Variants in CTU1 observed in about 807,000 individuals in gnomAD.
CTU1 encodes the protein cytosolic thiouridylase subunit 1.
Under a neutral mutation model 12.9 loss-of-function variants are expected in CTU1, and 15 were observed. That is an observed-to-expected ratio of 1.16 (90% CI 0.78 to 1.79). The LOEUF is 1.79. Ranked by LOEUF, CTU1 falls within the 40% of genes most tolerant of loss-of-function variation. The pLI is 0.00. For synonymous variants in CTU1, 295 were observed against 275.6 expected, an observed-to-expected ratio of 1.07 and a Z score of -0.70; for missense variants, 553 against 550.5, an observed-to-expected ratio of 1.00 and a Z score of -0.05.
At chr19:51,099,184 G>A in intron 2 of CTU1, 45 bp from the exon 3 acceptor site, 2 of 1,518,856 alleles carry the variant, frequency 1.3e-6, no homozygotes, top group South Asian at 2.4e-5. Context: ...CGCGGAGGGC[G>A]CTGCTGGCCA....
intron 2 of CTU1, among the ~76,000 whole-genome samples, chr19:51,100,621 A>G (rs1225176141): frequency 6.6e-6 from 1 of 151,918 alleles, no homozygotes; most frequent in African/African-American, 2.4e-5. Context: ...AGAAAAGAAA[A>G]TGGAGGAAGG....
chr19:51,104,279 C>A lies in CTU1; in HGVS notation c.291G>T (p.Ala97=). Residue 97 remains alanine (A), a synonymous_variant, in exon 2 of 3, where the codon GCG becomes GCT. Transcript: ENST00000421832. The part of the protein sequence containing the change: ...VDEGIGGYRD[A]ALAAVRRQAA... ...CCTGGCGCCGCACGGCCGCCAACGC[C>A]GCGTCCCGGTAGCCACCGATGCCCT... The A allele has an allele frequency of 6.7e-7, 1 of 1,501,768 alleles. No homozygotes were observed. The highest frequency in any genetic ancestry group is 8.8e-7 in the Non-Finnish European group (1 of 1,130,218). The allele number at this position is 1,501,768 out of a possible 1,614,324, so 93.0% of individuals were successfully genotyped here.
intron 2 of CTU1, 102 bp downstream of exon 2, chr19:51,103,960 C>G (rs2091913045): frequency 1.6e-6 from 2 of 1,227,314 alleles, no homozygotes; most frequent in Non-Finnish European, 2.1e-6. Flanking sequence ...TCGCCGCCTT[C>G]TGGAGCATGC....
intron 2 of CTU1, among the ~76,000 whole-genome samples, chr19:51,100,903 TG>T (rs2091905754): frequency 6.6e-6 from 1 of 151,226 alleles, no homozygotes; most frequent in African/African-American, 2.4e-5. Flanking sequence ...AGTTTTTTTA[TG>T]GTTTTTTTTT....
intron 1 of CTU1, 82 bp from the exon 2 acceptor site, chr19:51,104,672 G>T: frequency 9.2e-7 from 1 of 1,082,966 alleles, no homozygotes; most frequent in Non-Finnish European, 1.2e-6. Context: ...TGTCTGGATT[G>T]CACCTCTGCC....
intron 2 of CTU1, 39 bp from the exon 3 acceptor site, chr19:51,099,178 G>T: frequency 6.5e-7 from 1 of 1,539,198 alleles, no homozygotes; most frequent in Non-Finnish European, 8.7e-7. Flanking sequence ...GTGGGGCGCG[G>T]AGGGCGCTGC....
intron 1 of CTU1, among the ~76,000 whole-genome samples, chr19:51,106,892 GGCACCTTAA>G (rs1368695313): frequency 1.3e-5 from 2 of 152,064 alleles, no homozygotes; most frequent in African/African-American, 4.8e-5. Flanking sequence ...ACATGGCTGG[GGCACCTTAA>G]AGATGTTCAG....
chr19:51,103,219 TAC>T (rs933479099), intron 2 of CTU1, among the ~76,000 whole-genome samples: 1 of 152,146 alleles, frequency 6.6e-6, no homozygotes, highest in African/African-American at 2.4e-5. Flanking sequence ...GAAACAGAAG[TAC>T]AGAGTGGTTA....
Position 51,098,867 on chromosome 19 carries a change from A to G in CTU1, c.781T>C (p.Ser261Pro). The G allele has an allele frequency of 7.1e-7, 1 of 1,410,514 alleles. No homozygotes were observed. Among genetic ancestry groups the G allele is most frequent in the Non-Finnish European group, 9.3e-7 (1 of 1,077,556 alleles). 87.4% of individuals were successfully genotyped at this position (1,410,514 alleles called of 1,614,324 possible). A position where few individuals can be genotyped will look rare whatever the true frequency, so the allele number is the denominator to read the frequency against. Residue 261 changes from serine to proline, a missense_variant, in exon 3 of 3, where the codon TCC (serine) becomes CCC (proline). Physicochemically the swap from Ser to Pro is moderately conservative, Grantham distance 74. Coordinates refer to ENST00000421832, the MANE Select transcript of CTU1 (RefSeq NM_145232.4). The surrounding 1 kb of genome is among the most constrained non-coding windows in gnomAD (Gnocchi z 4.3). Reference protein sequence around the residue: ...LLKRLEAARPSAVLDLVHSAE... With the variant: ...LLKRLEAARPPAVLDLVHSAE... The stretch of plus-strand genomic sequence containing the variant: ...GAGTGCACGAGGTCCAGCACCGCGG[A>G]CGGCCGCGCCGCCTCCAGGCGCTTG...
rs1316852658 is a variant in CTU1, at chr19:51,104,731, C to T, written c.-21-141G>A. 6.7e-6 allele frequency: 4 copies of T among 599,614 alleles called. No homozygotes were observed. In the African/African-American group the frequency reaches 7.8e-5, roughly 12 times the overall value. The allele number at this position is 599,614 out of a possible 1,614,324, so 37.1% of individuals were successfully genotyped here. ...GCGCGAGTGGAGTAGCTTCTTCTAG[C>T]GCTGGGGATAGGATGGTTATAAATA... is the stretch of plus-strand genomic sequence containing the variant. On this transcript the variant is annotated intron_variant, in intron 1 of 2. Coordinates refer to ENST00000421832, the MANE Select transcript of CTU1 (RefSeq NM_145232.4).
intron 2 of CTU1, among the ~76,000 whole-genome samples, chr19:51,101,354 T>C (rs2091906794): frequency 6.6e-6 from 1 of 152,232 alleles, no homozygotes; most frequent in Non-Finnish European, 1.5e-5. Flanking sequence ...CTTGTCAAGT[T>C]ATACTTGAGT....
intron 1 of CTU1, among the ~76,000 whole-genome samples, chr19:51,106,672 A>ATTTT (rs56150506): frequency 0.029 from 3,975 of 136,152 alleles, 163 homozygotes; most frequent in East Asian, 0.15. Flanking sequence ...TGCCTGGCTA[A>ATTTT]TTTTTTTTTT....
intron 1 of CTU1, among the ~76,000 whole-genome samples, chr19:51,105,241 C>T (rs915089196): frequency 3.3e-5 from 5 of 152,142 alleles, no homozygotes; most frequent in East Asian, 1.9e-4. Flanking sequence ...TCACACCTCT[C>T]AGGAGACCAG....
rs565625707 is a variant in CTU1, at chr19:51,106,600, G to C, written c.-22+1747C>G. Among the ~76,000 whole-genome samples the C allele has an allele frequency of 3.3e-5, 5 of 152,202 alleles. No homozygotes were observed. In the South Asian group the frequency reaches 1.0e-3, roughly 32 times the overall value. ...GGCTCACTGTAACCTCTGCCTCCCA[G>C]GGTCAAGCGTTTCTCCTGCCTTAGC... On this transcript the variant is annotated intron_variant, in intron 1 of 2. Coordinates refer to ENST00000421832, the MANE Select transcript of CTU1 (RefSeq NM_145232.4).
chr19:51,103,999 C>T, intron 2 of CTU1, 63 bp downstream of exon 2: 1 of 1,370,136 alleles, frequency 7.3e-7, no homozygotes, highest in Non-Finnish European at 9.4e-7. Context: ...GTCCCGCCTC[C>T]TCGCCTGTGC....
intron 2 of CTU1, among the ~76,000 whole-genome samples, chr19:51,100,088 C>G (rs954708794): frequency 2.0e-5 from 3 of 151,808 alleles, no homozygotes; most frequent in Admixed American, 6.6e-5. Flanking sequence ...ACCCAGAGAC[C>G]GGGAGAGGGA....
At chr19:51,101,739 A>G (rs977068369) in intron 2 of CTU1, among the ~76,000 whole-genome samples, 1 of 152,186 alleles carries the variant, frequency 6.6e-6, no homozygotes, top group Non-Finnish European at 1.5e-5. Context: ...TTGAATGTTT[A>G]TTGACTTAAA....
At position 51,098,491 on chromosome 19, in the gene CTU1, C is replaced by T; in HGVS notation, c.*110G>A. 9.3e-7 allele frequency: 1 copy of T among 1,077,654 alleles called. No individual in the cohort carries two copies. Among genetic ancestry groups the T allele is most frequent in the Non-Finnish European group, 1.2e-6 (1 of 858,682 alleles). 66.8% of individuals were successfully genotyped at this position (1,077,654 alleles called of 1,614,324 possible). A position where few individuals can be genotyped will look rare whatever the true frequency, so the allele number is the denominator to read the frequency against. On this transcript the variant is annotated 3_prime_UTR_variant, in exon 3 of 3. Transcript: ENST00000421832. The surrounding 1 kb of genome is among the most constrained non-coding windows in gnomAD (Gnocchi z 4.3). The stretch of plus-strand genomic sequence containing the variant: ...TTTCAGGTGAATGGGCCCCCGTCTC[C>T]TTCCCAACCCCACATGGAAGGCCAG...
Position 51,098,758 on chromosome 19 carries a change from G to A in CTU1, c.890C>T (p.Ala297Val). 1 of 1,122,986 alleles carries A rather than the reference G, an allele frequency of 8.9e-7. No homozygotes were observed. The highest frequency in any genetic ancestry group is 1.7e-5 in the African/African-American group (1 of 60,016). The allele number at this position is 1,122,986 out of a possible 1,614,324, so 69.6% of individuals were successfully genotyped here. The change falls in exon 3 of 3, where the codon GCG (alanine) becomes GTG (valine). Residue 297 changes from alanine (A) to valine (V), a missense_variant. This residue lies in a region of CTU1 where 53 missense variants were observed against 92.0 expected (regional missense o/e 0.58). Transcript: ENST00000421832. The surrounding 1 kb of genome is among the most constrained non-coding windows in gnomAD (Gnocchi z 4.3). ...CSRCGALASR[A>V]LCQACALLDG... ...CAGGAGCGCGCAGGCCTGGCAGAGCGCGCGGCTGGCCAGCGCCCCACAGCG... is the reference window on the plus strand; with the variant it reads ...CAGGAGCGCGCAGGCCTGGCAGAGCACGCGGCTGGCCAGCGCCCCACAGCG...
Sources: allele counts gnomAD v4.1 joint callset (sites outside exome capture counted in the v4.1 genomes callset), GRCh38; gene constraint gnomAD v4.1.1; regional missense constraint gnomAD v4.1.1; non-coding constraint Gnocchi (gnomAD v3.1); transcripts MANE v1.5; gene names NCBI Gene and HGNC (gene_info 2026-07-23, HGNC 2026-07-21).